The following MAPK10 variants were observed in gnomAD, a reference collection of about 807,000 sequenced individuals.
MAPK10 encodes the protein mitogen-activated protein kinase 10.
MAPK10 carries 25 observed loss-of-function variants against 59.3 expected under a neutral mutation model. The ratio of observed to expected loss-of-function variants is 0.42; its 90% CI spans 0.31 to 0.59. The LOEUF is 0.59. MAPK10 is among the 20% of genes least tolerant of loss of function. The probability of loss-of-function intolerance (pLI) is 0.15; values close to 1 mark genes in which losing one functional copy is unlikely to be tolerated. For missense variants in MAPK10, 351 were observed against 568.9 expected (o/e 0.62, Z 3.90); for synonymous variants, 190 against 200.5 (o/e 0.95, Z 0.44).
chr4:86,160,023 A>G (rs1469433123), intron 3 of MAPK10, among the ~76,000 whole-genome samples: 1 of 152,070 alleles, frequency 6.6e-6, no homozygotes, highest in Non-Finnish European at 1.5e-5. Context: ...AATATCACAA[A>G]TGCTATTGTT....
chr4:86,073,345 C>A (rs900195442), intron 9 of MAPK10, among the ~76,000 whole-genome samples: 3 of 151,892 alleles, frequency 2.0e-5, no homozygotes, highest in Non-Finnish European at 4.4e-5. Flanking sequence ...AAAAAACCAG[C>A]TCCTGGATTC....
chr4:86,015,630 T>C lies in MAPK10; in HGVS notation c.*1598A>G, dbSNP rs1411762101. 6.6e-6 allele frequency: 1 copy of C among 152,230 alleles called. No individual in the cohort carries two copies. Among genetic ancestry groups the C allele is most frequent in the Non-Finnish European group, 1.5e-5 (1 of 68,028 alleles). The allele number at this position is 152,230 out of a possible 1,614,324, so 9.4% of individuals were successfully genotyped here. Reference sequence around the variant, plus strand: ...TGCTCAGGAAAGCACTTTCATTTAATTTAATTTAAGCTAAATTCTGGAGAT... The same window carrying C: ...TGCTCAGGAAAGCACTTTCATTTAACTTAATTTAAGCTAAATTCTGGAGAT... On this transcript the variant is annotated 3_prime_UTR_variant, in exon 14 of 14. Coordinates refer to ENST00000641462, the MANE Select transcript of MAPK10 (RefSeq NM_138982.4).
chr4:86,353,256 G>GT (rs1222315341), intron 2 of MAPK10, among the ~76,000 whole-genome samples: 2 of 152,116 alleles, frequency 1.3e-5, no homozygotes, highest in Admixed American at 1.3e-4. Context: ...ACATTTTATT[G>GT]TAAGTACCCC....
At chr4:86,238,895 C>T (rs1245545654) in intron 2 of MAPK10, among the ~76,000 whole-genome samples, 2 of 152,096 alleles carry the variant, frequency 1.3e-5, no homozygotes, top group African/African-American at 2.4e-5. Context: ...TGAATAGGAG[C>T]GGTGACACAG....
intron 4 of MAPK10, among the ~76,000 whole-genome samples, chr4:86,132,442 GT>G (rs2149143410): frequency 6.6e-6 from 1 of 152,276 alleles, no homozygotes; most frequent in East Asian, 1.9e-4. Context: ...CATTGACTAT[GT>G]TAGTCATAAA....
At chr4:86,416,812 A>G (rs1745915316) in intron 1 of MAPK10, among the ~76,000 whole-genome samples, 1 of 152,216 alleles carries the variant, frequency 6.6e-6, no homozygotes, top group Non-Finnish European at 1.5e-5. Flanking sequence ...CCCTACTGCT[A>G]GAAATATCCA....
chr4:86,337,109 A>G (rs1357600899), intron 2 of MAPK10, among the ~76,000 whole-genome samples: 3 of 152,110 alleles, frequency 2.0e-5, no homozygotes, highest in Non-Finnish European at 4.4e-5. Flanking sequence ...TTTTAATCAT[A>G]TTCACTACTG....
chr4:86,092,967 T>C (rs2053534238), intron 9 of MAPK10, among the ~76,000 whole-genome samples: 1 of 152,040 alleles, frequency 6.6e-6, no homozygotes, highest in Non-Finnish European at 1.5e-5. Context: ...AAATGTTGAG[T>C]AAATTTTGGT....
intron 2 of MAPK10, chr4:86,325,780 C>T (rs148153380): frequency 1.3e-5 from 2 of 152,236 alleles, no homozygotes; most frequent in African/African-American, 2.4e-5. Flanking sequence ...AATAGTAATA[C>T]ATATGTGTTA....
chr4:86,195,560 C>A (rs973673427), intron 2 of MAPK10, among the ~76,000 whole-genome samples: 36 of 151,306 alleles, frequency 2.4e-4, no homozygotes, highest in Admixed American at 3.3e-4. Flanking sequence ...TAGAACTTTA[C>A]TTCTTTTTTT....
chr4:86,118,495 C>A (rs981626182), intron 4 of MAPK10, among the ~76,000 whole-genome samples: 1 of 151,904 alleles, frequency 6.6e-6, no homozygotes, highest in African/African-American at 2.4e-5. Flanking sequence ...GAGCTTTCTG[C>A]TGTTATGCTC....
At chr4:86,425,307 T>C (rs1420705615) in intron 1 of MAPK10, among the ~76,000 whole-genome samples, 2 of 152,200 alleles carry the variant, frequency 1.3e-5, no homozygotes, top group Admixed American at 6.5e-5. Flanking sequence ...TTTCTAATCA[T>C]AAAATGTATC....
At chr4:86,249,936 G>T (rs1248445819) in intron 2 of MAPK10, among the ~76,000 whole-genome samples, 1 of 152,046 alleles carries the variant, frequency 6.6e-6, no homozygotes, top group African/African-American at 2.4e-5. Context: ...TCCTGAGAAT[G>T]GGAAATAAAA....
intron 2 of MAPK10, among the ~76,000 whole-genome samples, chr4:86,312,309 A>G (rs1008815921): frequency 1.3e-5 from 2 of 152,118 alleles, no homozygotes. Context: ...CTATTTAGTC[A>G]TCACAGTACA....
At chr4:86,535,797 G>C (rs1358462787) in intron 1 of MAPK10, among the ~76,000 whole-genome samples, 2 of 152,176 alleles carry the variant, frequency 1.3e-5, no homozygotes, top group African/African-American at 2.4e-5. Context: ...AAAAGAATGT[G>C]ATCTACCAAA....
At chr4:86,373,769 T>G (rs1330374852) in intron 1 of MAPK10, among the ~76,000 whole-genome samples, 3 of 152,106 alleles carry the variant, frequency 2.0e-5, no homozygotes, top group Admixed American at 1.3e-4. Flanking sequence ...ATGCTGGAGA[T>G]GATGTGGAGA....
chr4:86,361,819 G>T (rs1042080530), upstream of MAPK10, among the ~76,000 whole-genome samples: 7 of 152,058 alleles, frequency 4.6e-5, no homozygotes, highest in Non-Finnish European at 5.9e-5. Context: ...ACTTATATGT[G>T]AAATTTTAAA....
chr4:86,199,411 TTTG>T (rs150062674), intron 2 of MAPK10, among the ~76,000 whole-genome samples: 7,029 of 152,160 alleles, frequency 0.046, 205 homozygotes, highest in African/African-American at 0.071. Context: ...ATCTCTTTTT[TTTG>T]TTATGTTATA....
At chr4:86,116,613 G>C (rs1179613509) in intron 4 of MAPK10, among the ~76,000 whole-genome samples, 1 of 152,156 alleles carries the variant, frequency 6.6e-6, no homozygotes, top group Non-Finnish European at 1.5e-5. Context: ...GGGGTTTCTT[G>C]GCAGGCAAAA....
Sources: gnomAD v4.1 joint callset for allele counts (sites outside exome capture counted in the v4.1 genomes callset) on GRCh38, gnomAD v4.1.1 for gene constraint, MANE v1.5 for transcripts, NCBI Gene and HGNC (gene_info 2026-07-23, HGNC 2026-07-21) for gene names.